LNPEP: variants seen among roughly 807,000 people sequenced by gnomAD.
LNPEP encodes leucyl and cystinyl aminopeptidase, also known as leucyl-cystinyl aminopeptidase.
In LNPEP, 64 loss-of-function variants were observed where a neutral mutation model predicts 120.6. The observed-to-expected ratio is 0.53, with a 90% CI of 0.43 to 0.65. The LOEUF (loss-of-function observed/expected upper bound fraction) is 0.65, where lower values mean the gene tolerates loss of function less well. Among genes scored for constraint, LNPEP ranks in the 30% least tolerant of loss-of-function variants. The pLI is 0.00. For synonymous variants in LNPEP, 435 were observed against 425.4 expected (o/e 1.02, Z -0.28); for missense variants, 1,057 against 1,200.0 (o/e 0.88, Z 1.76).
chr5:97,012,383 TAAG>T (rs1790954145), intron 11 of LNPEP, among the ~76,000 whole-genome samples: 1 of 152,218 alleles, frequency 6.6e-6, no homozygotes, highest in African/African-American at 2.4e-5. Context: ...AAAATTTTTT[TAAG>T]TATTTGTTAC....
At chr5:96,992,747 G>T (rs1370089396) in intron 4 of LNPEP, among the ~76,000 whole-genome samples, 1 of 115,978 alleles carries the variant, frequency 8.6e-6, no homozygotes, top group Non-Finnish European at 1.6e-5. Context: ...ACCTAAAGTA[G>T]TTATTTTGGA....
intron 3 of LNPEP, among the ~76,000 whole-genome samples, chr5:96,986,250 G>T (rs1790240378): frequency 6.6e-6 from 1 of 152,024 alleles, no homozygotes; most frequent in African/African-American, 2.4e-5. Flanking sequence ...TGTTCTAATG[G>T]GAGAAGCAGA....
At chr5:97,000,597 A>G (rs994101034) in intron 8 of LNPEP, among the ~76,000 whole-genome samples, 3 of 152,180 alleles carry the variant, frequency 2.0e-5, no homozygotes, top group Admixed American at 1.3e-4. Context: ...TGAATCTCTG[A>G]TGATCATCCG....
intron 1 of LNPEP, among the ~76,000 whole-genome samples, chr5:96,959,878 T>C (rs1789555981): frequency 6.6e-6 from 1 of 151,964 alleles, no homozygotes; most frequent in Non-Finnish European, 1.5e-5. Flanking sequence ...CTAAATAATA[T>C]TCACATGTAT....
At chr5:96,973,817 G>A (rs1789929686) in intron 1 of LNPEP, among the ~76,000 whole-genome samples, 1 of 152,134 alleles carries the variant, frequency 6.6e-6, no homozygotes, top group Non-Finnish European at 1.5e-5. Context: ...AAGTCTGTGA[G>A]AAGTTTGCTT....
chr5:96,972,467 A>C (rs1331757090), intron 1 of LNPEP, among the ~76,000 whole-genome samples: 1 of 151,988 alleles, frequency 6.6e-6, no homozygotes, highest in Non-Finnish European at 1.5e-5. Context: ...ACCTTATTGC[A>C]GCTACTTTCT....
intron 1 of LNPEP, among the ~76,000 whole-genome samples, chr5:96,960,986 G>A (rs1329501388): frequency 6.6e-6 from 1 of 151,772 alleles, no homozygotes; most frequent in African/African-American, 2.4e-5. Flanking sequence ...GATTTTTGTT[G>A]TTCTGGTTTG....
intron 4 of LNPEP, among the ~76,000 whole-genome samples, chr5:96,990,953 G>C (rs555787908): frequency 6.6e-6 from 1 of 152,052 alleles, no homozygotes; most frequent in Non-Finnish European, 1.5e-5. Context: ...GGTGGTGTTC[G>C]GTTATATGGA....
chr5:96,971,755 TC>T (rs1485840093), intron 1 of LNPEP, among the ~76,000 whole-genome samples: 2 of 152,096 alleles, frequency 1.3e-5, no homozygotes, highest in African/African-American at 4.8e-5. Flanking sequence ...CTCATTTAGT[TC>T]TTTTTTAGTC....
intron 1 of LNPEP, among the ~76,000 whole-genome samples, chr5:96,949,303 G>A (rs189547838): frequency 2.0e-4 from 31 of 152,366 alleles, no homozygotes; most frequent in South Asian, 4.1e-4. Flanking sequence ...GAGCGTTACC[G>A]CCTGGGCGCC....
At chr5:96,967,577 C>T (rs912279172) in intron 1 of LNPEP, among the ~76,000 whole-genome samples, 7 of 152,062 alleles carry the variant, frequency 4.6e-5, no homozygotes, top group Non-Finnish European at 1.0e-4. Flanking sequence ...AACTGAAAGG[C>T]AGTGACTCAG....
At chr5:97,000,411 G>A (rs1008996021) in intron 8 of LNPEP, among the ~76,000 whole-genome samples, 2 of 151,858 alleles carry the variant, frequency 1.3e-5, no homozygotes, top group Non-Finnish European at 2.9e-5. Context: ...GCCCTTGGGT[G>A]GCATGTGGGA....
rs142004746 is a variant in LNPEP, at chr5:97,029,252, C to A, written c.*719C>A. On this transcript the variant is annotated 3_prime_UTR_variant, in exon 18 of 18. Transcript: ENST00000231368. ...AGACTTTCTTTTTCATCTTTTATAG[C>A]GTTACCATAGGAAACTGTTCCAAAC... 3 of 152,230 alleles carry A rather than the reference C, an allele frequency of 2.0e-5. No homozygotes were observed. Among genetic ancestry groups the A allele is most frequent in the African/African-American group, 7.2e-5 (3 of 41,404 alleles). The allele number at this position is 152,230 out of a possible 1,614,324, so 9.4% of individuals were successfully genotyped here.
chr5:96,993,168 A>C, intron 5 of LNPEP, 33 bp downstream of exon 5: 1 of 1,471,442 alleles, frequency 6.8e-7, no homozygotes, highest in Non-Finnish European at 9.2e-7. Context: ...GATTTTTGTT[A>C]TAATTAGAAC....
Position 97,028,761 on chromosome 5 carries a change from C to A in LNPEP, c.*228C>A. On this transcript the variant is annotated 3_prime_UTR_variant, in exon 18 of 18. Transcript: ENST00000231368. ...AAAATTATATTCACCTAAATGCCAA[C>A]CATCTACAAAAACAATGAGTAATTT... 1 of 364,326 alleles carries A rather than the reference C, an allele frequency of 2.7e-6. No homozygotes were observed. The highest frequency in any genetic ancestry group is 5.8e-5 in the East Asian group (1 of 17,296). The allele number at this position is 364,326 out of a possible 1,614,324, so 22.6% of individuals were successfully genotyped here.
intron 14 of LNPEP, among the ~76,000 whole-genome samples, chr5:97,024,053 G>A (rs1247007241): frequency 1.3e-5 from 2 of 152,166 alleles, no homozygotes; most frequent in African/African-American, 4.8e-5. Context: ...ATGAAGAGTT[G>A]GGGTGGAGGA....
intron 12 of LNPEP, among the ~76,000 whole-genome samples, chr5:97,014,595 C>G (rs1434767490): frequency 2.0e-5 from 3 of 152,080 alleles, no homozygotes; most frequent in Non-Finnish European, 4.4e-5. Flanking sequence ...GCTATACTCT[C>G]TTTCCTGGCA....
rs976766209 is a variant in LNPEP, at chr5:96,968,828, T to A, written c.20-10310T>A. ...GAGAGAAACCAAGATGTTTGTAACA[T>A]GTGTATGGTCTCACATGCTGTTCAG... On this transcript the variant is annotated intron_variant, in intron 1 of 17. Coordinates refer to ENST00000231368, the MANE Select transcript of LNPEP (RefSeq NM_005575.3). 2.0e-5 allele frequency among the ~76,000 whole-genome samples: 3 copies of A among 152,066 alleles called. No individual in the cohort carries two copies. In the East Asian group the frequency reaches 5.8e-4, roughly 29 times the overall value.
chr5:97,028,354 T>C (rs921501993), intron 17 of LNPEP, 48 bp from the exon 18 acceptor site: 6 of 1,588,124 alleles, frequency 3.8e-6, no homozygotes, highest in Non-Finnish European at 5.2e-6. Context: ...TTACCTGAGG[T>C]TTATCGTCCT....
Sources: allele counts gnomAD v4.1 joint callset (sites outside exome capture counted in the v4.1 genomes callset), GRCh38; gene constraint gnomAD v4.1.1; transcripts MANE v1.5; gene names NCBI Gene and HGNC (gene_info 2026-07-23, HGNC 2026-07-21).